Variants in APOB observed in about 807,000 individuals in gnomAD.
The protein encoded by APOB is apolipoprotein B.
APOB carries 153 observed loss-of-function variants against 314.1 expected under a neutral mutation model. The observed-to-expected ratio is 0.49, with a 90% CI of 0.43 to 0.56. APOB has a LOEUF of 0.56. Among genes scored for constraint, APOB ranks in the 20% least tolerant of loss-of-function variants. The probability of loss-of-function intolerance (pLI) is 0.00; values close to 1 mark genes in which losing one functional copy is unlikely to be tolerated. For missense variants in APOB, 5,430 were observed against 5,350.7 expected, an observed-to-expected ratio of 1.01 and a Z score of -0.46; for synonymous variants, 2,087 against 2,036.4, an observed-to-expected ratio of 1.02 and a Z score of -0.67.
rs755590110 is a variant in APOB, at chr2:21,008,526, G to A, written c.8342C>T (p.Thr2781Ile). The change falls in exon 26 of 29, where the codon ACC (threonine) becomes ATC (isoleucine). Residue 2781 changes from threonine to isoleucine, a missense_variant. Physicochemically the swap from Thr to Ile is moderately conservative, Grantham distance 89. Around this residue, in one of 3 missense-constraint regions of APOB, gnomAD observed 3,281 missense variants for 3,171.0 expected, o/e 1.03. Coordinates refer to ENST00000233242, the MANE Select transcript of APOB (RefSeq NM_000384.3). ...GATACCTGCTTCGTTTGCTGAGGTG[G>A]TTCCATTCCCTATGTCAGCATTTGC... Reference protein sequence around the residue: ...LDANADIGNGTTSANEAGIAA... With the variant: ...LDANADIGNGITSANEAGIAA... 1.2e-6 allele frequency: 2 copies of A among 1,614,068 alleles called. No homozygotes were observed. Among genetic ancestry groups the A allele is most frequent in the Admixed American group, 3.3e-5 (2 of 60,008 alleles).
At chr2:21,013,673 C>T in intron 24 of APOB, 140 bp from the exon 25 acceptor site, 9 of 1,217,976 alleles carry the variant, frequency 7.4e-6, no homozygotes, top group Non-Finnish European at 1.1e-5. Context: ...ACTCCTATGC[C>T]TGGACCCCTT....
Position 21,028,417 on chromosome 2 carries a change from A to G in APOB, c.1739T>C (p.Ile580Thr). 1.9e-6 allele frequency: 3 copies of G among 1,614,196 alleles called. No individual in the cohort carries two copies. Among genetic ancestry groups the G allele is most frequent in the African/African-American group, 1.3e-5 (1 of 75,058 alleles). ...TTGCTCATTCTGTTCCCATGGTAGA[A>G]TTTGGACAATTTTGTTAATATCTGC... ...SQADINKIVQ[I>T]LPWEQNEQVK... is the part of the protein sequence containing the mutation. Residue 580 changes from isoleucine (I) to threonine (T), a missense_variant, in exon 13 of 29, where the codon ATT (isoleucine) becomes ACT (threonine). Physicochemically the swap from Ile to Thr is moderately conservative, Grantham distance 89 (BLOSUM62 -1). Transcript: ENST00000233242.
chr2:21,034,758 C>T (rs1663958508), intron 8 of APOB, 58 bp downstream of exon 8: 1 of 971,252 alleles, frequency 1.0e-6, no homozygotes, highest in Non-Finnish European at 1.7e-6. Context: ...AGTGGCTAAG[C>T]CATGATAGGC....
In APOB at chr2:21,044,042, G is replaced by A; in HGVS notation, c.-97C>T. ...GCTCCTCAGCGGCAGCAACCGAGAA[G>A]GGCACTCAGCCCCGCAGGTCCCGGT... On this transcript the variant is annotated 5_prime_UTR_variant, in exon 1 of 29. Coordinates refer to ENST00000233242, the MANE Select transcript of APOB (RefSeq NM_000384.3). 1 of 527,384 alleles carries A rather than the reference G, an allele frequency of 1.9e-6. No individual in the cohort carries two copies. The highest frequency in any genetic ancestry group is 2.8e-6 in the Non-Finnish European group (1 of 356,566). The allele number at this position is 527,384 out of a possible 1,614,324, so 32.7% of individuals were successfully genotyped here. A position where few individuals can be genotyped will look rare whatever the true frequency, so the allele number is the denominator to read the frequency against.
chr2:21,022,205 C>T (rs572598898), intron 18 of APOB, among the ~76,000 whole-genome samples: 2 of 152,224 alleles, frequency 1.3e-5, no homozygotes, highest in South Asian at 2.1e-4. Context: ...AGGGCTCAAG[C>T]GATCCATCCA....
chr2:21,026,866 A>C lies in APOB; in HGVS notation c.2166T>G (p.Val722=), dbSNP rs1572795151. Residue 722 remains valine, a synonymous_variant, in exon 15 of 29, where the codon GTT becomes GTG. Transcript: ENST00000233242. The part of the protein sequence containing the change: ...PDSVNKALYW[V]NGQVPDGVSK... Reference sequence around the variant, plus strand: ...AGACACCATCAGGAACTTGACCATTAACCCAGTACAAAGCTTTGTTGACAC... The same window carrying C: ...AGACACCATCAGGAACTTGACCATTCACCCAGTACAAAGCTTTGTTGACAC... 1 of 1,614,106 alleles carries C rather than the reference A, an allele frequency of 6.2e-7. No individual in the cohort carries two copies. Among genetic ancestry groups the C allele is most frequent in the Non-Finnish European group, 8.5e-7 (1 of 1,179,950 alleles).
chr2:21,023,941 T>A (rs1663675180), intron 16 of APOB: 3 of 355,258 alleles, frequency 8.4e-6, no homozygotes, highest in African/African-American at 6.1e-5. Context: ...CAGAAGGCTC[T>A]TAAGAATATT....
rs531953334 is a variant in APOB at position 21,040,121 on chromosome 2, G to A, written c.383+817C>T. On this transcript the variant is annotated intron_variant, in intron 4 of 28. Transcript: ENST00000233242. ...AGATCTGATGGTTCTAAAAACAGGA[G>A]TTTCTCTGCACAAGCTCTCTTTGCC... 2.0e-5 allele frequency among the ~76,000 whole-genome samples: 3 copies of A among 152,246 alleles called. 1 individual carries two copies. The South Asian group carries it at 6.2e-4, about 32-fold the overall frequency.
Position 21,034,802 on chromosome 2 carries a change from A to G in APOB, c.904+14T>C. ...AGTAGATTTTCCAGCAACTATGTGG[A>G]CAGAAACTCTTACCTTCACCAAAGA... is the stretch of plus-strand genomic sequence containing the variant. On this transcript the variant is annotated intron_variant, in intron 8 of 28. Coordinates refer to ENST00000233242, the MANE Select transcript of APOB (RefSeq NM_000384.3). 6.6e-7 allele frequency: 1 copy of G among 1,506,856 alleles called. No individual in the cohort carries two copies. The highest frequency in any genetic ancestry group is 1.7e-5 in the Admixed American group (1 of 59,924). The allele number at this position is 1,506,856 out of a possible 1,614,324, so 93.3% of individuals were successfully genotyped here. A position where few individuals can be genotyped will look rare whatever the true frequency, so the allele number is the denominator to read the frequency against.
chr2:21,043,590 T>C (rs1664189354), intron 1 of APOB, 39 bp from the exon 2 acceptor site: 2 of 1,581,140 alleles, frequency 1.3e-6, no homozygotes, highest in East Asian at 2.3e-5. Flanking sequence ...GCTTCCCACG[T>C]CTTCCCAGCG....
In APOB at chr2:21,006,327, G is replaced by A. The variant is rs1450324476; in HGVS notation, c.10541C>T (p.Ala3514Val). ...VLSREYSGTI[A>V]SEANTYLNSK... ...ATTCAAGTAAGTGTTGGCCTCACTA[G>A]CAATAGTTCCTGAATATTCCCGAGA... The change falls in exon 26 of 29, where the codon GCT (alanine) becomes GTT (valine). Residue 3514 changes from alanine to valine, a missense_variant. Ala to Val is a moderately conservative substitution (Grantham distance 64). Around this residue, in one of 3 missense-constraint regions of APOB, gnomAD observed 3,281 missense variants for 3,171.0 expected, o/e 1.03. Coordinates refer to ENST00000233242, the MANE Select transcript of APOB (RefSeq NM_000384.3). 25 of 1,613,958 alleles carry A rather than the reference G, an allele frequency of 1.5e-5. No individual in the cohort carries two copies. The highest frequency in any genetic ancestry group is 1.9e-5 in the Non-Finnish European group (22 of 1,179,972).
In APOB at chr2:21,033,324, A is replaced by G; in HGVS notation, c.1099T>C (p.Leu367=). 6.2e-7 allele frequency: 1 copy of G among 1,614,122 alleles called. No homozygotes were observed. The highest frequency in any genetic ancestry group is 1.1e-5 in the South Asian group (1 of 91,080). ...CTGGACACCTCAATCAGCTGTGGCA[A>G]GAGAGATGTGACTGCTTCATCACTG... ...GLSDEAVTSL[L]PQLIEVSSPI... The change falls in exon 9 of 29, where the codon TTG becomes CTG. Residue 367 remains leucine (L), a synonymous_variant. Transcript: ENST00000233242.
chr2:21,002,228 C>T lies in APOB; in HGVS notation c.13194G>A (p.Val4398=). ...YFDPSIVGWT[V]KYYELEEKIV... The stretch of plus-strand genomic sequence containing the variant: ...TCTTTTCTTCAAGTTCATAATATTT[C>T]ACTGTCCAGCCAACTATACTTGGAT... The change falls in exon 29 of 29, where the codon GTG becomes GTA. Residue 4398 remains valine (V), a synonymous_variant. Coordinates refer to ENST00000233242, the MANE Select transcript of APOB (RefSeq NM_000384.3). 1.2e-6 allele frequency: 2 copies of T among 1,614,010 alleles called. No individual in the cohort carries two copies. The highest frequency in any genetic ancestry group is 1.7e-6 in the Non-Finnish European group (2 of 1,179,958).
chr2:21,039,563 G>A (rs1438264094), intron 4 of APOB, among the ~76,000 whole-genome samples: 1 of 152,210 alleles, frequency 6.6e-6, no homozygotes, highest in Non-Finnish European at 1.5e-5. Context: ...ACGAAGAAAT[G>A]ATAAATGTTT....
chr2:21,002,572 A>G lies in APOB; in HGVS notation c.12850T>C (p.Phe4284Leu). The change falls in exon 29 of 29, where the codon TTT becomes CTT. Residue 4284 changes from phenylalanine (F) to leucine (L), a missense_variant. Coordinates refer to ENST00000233242, the MANE Select transcript of APOB (RefSeq NM_000384.3). ...KDLSKEAQEV[F>L]KAIQSLKTTE... The stretch of plus-strand genomic sequence containing the variant: ...GTCTTGAGAGACTGAATGGCTTTAA[A>G]TACCTCTTGGGCTTCTTTTGATAAA... 1.9e-6 allele frequency: 3 copies of G among 1,614,110 alleles called. No individual in the cohort carries two copies. Among genetic ancestry groups the G allele is most frequent in the Non-Finnish European group, 2.5e-6 (3 of 1,179,978 alleles).
intron 2 of APOB, among the ~76,000 whole-genome samples, chr2:21,043,263 A>G (rs1419243769): frequency 6.6e-6 from 1 of 152,150 alleles, no homozygotes; most frequent in Non-Finnish European, 1.5e-5. Flanking sequence ...TGCACAGGCC[A>G]GCGGAGAGAC....
chr2:21,033,293 A>G lies in APOB; in HGVS notation c.1124+6T>C, dbSNP rs1336365182. The G allele has an allele frequency of 1.2e-6, 2 of 1,609,676 alleles. No homozygotes were observed. Among genetic ancestry groups the G allele is most frequent in the South Asian group, 2.2e-5 (2 of 90,972 alleles). ...TATAAAAAGTTGAGCTGTAACCATT[A>G]GATACCTGGACACCTCAATCAGCTG... On this transcript the variant is annotated splice_donor_region_variant and intron_variant, in intron 9 of 28. Transcript: ENST00000233242.
Position 21,006,198 on chromosome 2 carries a change from T to TGGA in APOB, c.10667_10669dup (p.Leu3556dup). The TGGA allele has an allele frequency of 6.2e-7, 1 of 1,614,086 alleles. No homozygotes were observed. The highest frequency in any genetic ancestry group is 8.5e-7 in the Non-Finnish European group (1 of 1,179,962). Reference sequence around the variant, plus strand: ...GTGCTCCCAGAGGGAATATATGCGTTGGAGTGTGGCTTCTCCAGCAAAATT... The same window carrying TGGA: ...GTGCTCCCAGAGGGAATATATGCGTTGGAGGAGTGTGGCTTCTCCAGCAAAATT... On this transcript the variant is annotated inframe_insertion, in exon 26 of 29. Transcript: ENST00000233242.
At chr2:21,019,655 G>T in intron 19 of APOB, 68 bp downstream of exon 19, 1 of 1,502,930 alleles carries the variant, frequency 6.7e-7, no homozygotes, top group Non-Finnish European at 9.2e-7. Context: ...ATTTTTTCCT[G>T]TGCCATGCTA....
Sources: gnomAD v4.1 joint callset for allele counts (sites outside exome capture counted in the v4.1 genomes callset) on GRCh38, gnomAD v4.1.1 for gene constraint, gnomAD v4.1.1 regional missense constraint, MANE v1.5 for transcripts, NCBI Gene and HGNC (gene_info 2026-07-23, HGNC 2026-07-21) for gene names.